The following SNX10 variants were observed in gnomAD, a reference collection of about 807,000 sequenced individuals.
SNX10 encodes sorting nexin 10, also known as sorting nexin-10.
Under a neutral mutation model 28.5 loss-of-function variants are expected in SNX10, and 25 were observed. The observed-to-expected ratio is 0.88, with a 90% confidence interval of 0.64 to 1.22. The LOEUF is 1.22. Among genes scored for constraint, SNX10 ranks in the 50% most tolerant of loss-of-function variants. The pLI is 0.00. For missense variants in SNX10, 223 were observed against 242.6 expected, an observed-to-expected ratio of 0.92 and a Z score of 0.54; for synonymous variants, 62 against 81.4, an observed-to-expected ratio of 0.76 and a Z score of 1.28.
chr7:26,341,042 T>C (rs1788158514), intron 1 of SNX10, among the ~76,000 whole-genome samples: 2 of 152,158 alleles, frequency 1.3e-5, no homozygotes, highest in African/African-American at 4.8e-5. Flanking sequence ...CTCACACCTG[T>C]TATTGAGCAC....
intron 5 of SNX10, 144 bp downstream of exon 5, chr7:26,365,289 A>G (rs1367902344): frequency 1.8e-5 from 10 of 560,614 alleles, no homozygotes; most frequent in East Asian, 2.8e-5. Flanking sequence ...CCCATTTCCT[A>G]TATTAGAGCA....
intron 1 of SNX10, among the ~76,000 whole-genome samples, chr7:26,311,403 G>A (rs1182906237): frequency 2.6e-5 from 4 of 152,120 alleles, no homozygotes; most frequent in South Asian, 2.1e-4. Flanking sequence ...CTCCCGCCTC[G>A]GCCTCCAAAA....
intron 1 of SNX10, among the ~76,000 whole-genome samples, chr7:26,321,338 G>T (rs1020569672): frequency 3.9e-5 from 6 of 152,170 alleles, no homozygotes; most frequent in African/African-American, 7.2e-5. Flanking sequence ...TACTCACAGA[G>T]AACTCTAATA....
At chr7:26,372,397 G>T in intron 6 of SNX10, 94 bp from the exon 7 acceptor site, 1 of 797,492 alleles carries the variant, frequency 1.3e-6, no homozygotes, top group Middle Eastern at 2.3e-4. Flanking sequence ...TGTGACTGGA[G>T]ATAATTAAAG....
Position 26,373,949 on chromosome 7 carries a change from AATG to A in SNX10, c.*1380_*1382del, listed in dbSNP as rs1358651325. 6.6e-6 allele frequency: 1 copy of A among 152,070 alleles called. No individual in the cohort carries two copies. The highest frequency in any genetic ancestry group is 6.5e-5 in the Admixed American group (1 of 15,290). The allele number at this position is 152,070 out of a possible 1,614,324, so 9.4% of individuals were successfully genotyped here. The stretch of plus-strand genomic sequence containing the variant: ...TTAAAAAAATTAAATTTAGAATAAG[AATG>A]ATTTCTTTAATTTGTCCTTTTTTTC... On this transcript the variant is annotated 3_prime_UTR_variant, in exon 7 of 7. Transcript: ENST00000338523. The surrounding 1 kb of genome is among the most constrained non-coding windows in gnomAD (Gnocchi z 4.2).
chr7:26,306,552 G>A (rs769943778), intron 1 of SNX10, among the ~76,000 whole-genome samples: 4 of 151,670 alleles, frequency 2.6e-5, no homozygotes, highest in Non-Finnish European at 4.4e-5. Context: ...CTACAGGCAC[G>A]CACCACCATG....
chr7:26,348,313 C>T (rs1788468185), intron 2 of SNX10, among the ~76,000 whole-genome samples: 1 of 152,188 alleles, frequency 6.6e-6, no homozygotes, highest in South Asian at 2.1e-4. Flanking sequence ...AATGAAACTG[C>T]AAGGTTAAGG....
intron 1 of SNX10, among the ~76,000 whole-genome samples, chr7:26,341,827 G>T (rs1206326159): frequency 6.6e-6 from 1 of 152,030 alleles, no homozygotes; most frequent in African/African-American, 2.4e-5. Context: ...GTAGCCTGGG[G>T]AGTTTGGAAA....
At chr7:26,314,976 T>G (rs1212512849) in intron 1 of SNX10, among the ~76,000 whole-genome samples, 1 of 128,340 alleles carries the variant, frequency 7.8e-6, no homozygotes, top group Non-Finnish European at 1.6e-5. Flanking sequence ...CCAGCCTGGG[T>G]GACCAAGTGA....
chr7:26,312,827 G>T (rs1786903703), intron 1 of SNX10, among the ~76,000 whole-genome samples: 1 of 151,906 alleles, frequency 6.6e-6, no homozygotes, highest in African/African-American at 2.4e-5. Context: ...AAAAATGCTT[G>T]CTCTTATGCA....
At chr7:26,327,934 G>C (rs191722343) in intron 1 of SNX10, among the ~76,000 whole-genome samples, 1 of 151,760 alleles carries the variant, frequency 6.6e-6, no homozygotes, top group Non-Finnish European at 1.5e-5. Flanking sequence ...GGGTTTCACC[G>C]TGTTAGCCAG....
chr7:26,346,317 C>T (rs1403711227), intron 1 of SNX10, 103 bp from the exon 2 acceptor site: 17 of 725,914 alleles, frequency 2.3e-5, no homozygotes, highest in East Asian at 5.2e-5. Context: ...GACTGTGGGG[C>T]GGGGGGGGCT....
rs1304568093 is a variant in SNX10, at chr7:26,372,649, A to T, written c.*77A>T. On this transcript the variant is annotated 3_prime_UTR_variant, in exon 7 of 7. Coordinates refer to ENST00000338523, the MANE Select transcript of SNX10 (RefSeq NM_013322.3). ...AGAGAAGAAAGCTTCATAATAATACATTCTTACCTAAAGCTCACTGTCATG... is the reference window on the plus strand; with the variant it reads ...AGAGAAGAAAGCTTCATAATAATACTTTCTTACCTAAAGCTCACTGTCATG... 5.8e-6 allele frequency: 5 copies of T among 859,832 alleles called. No homozygotes were observed. Among genetic ancestry groups the T allele is most frequent in the Non-Finnish European group, 1.0e-5 (5 of 502,432 alleles). The allele number at this position is 859,832 out of a possible 1,614,324, so 53.3% of individuals were successfully genotyped here.
intron 1 of SNX10, 66 bp from the exon 2 acceptor site, chr7:26,346,354 A>G (rs1274512808): frequency 1.0e-6 from 1 of 965,532 alleles, no homozygotes; most frequent in East Asian, 2.4e-5. Flanking sequence ...GTGGGAGGCC[A>G]TGAGTGGTGT....
chr7:26,367,062 C>T (rs974037747), intron 5 of SNX10, among the ~76,000 whole-genome samples: 6 of 152,112 alleles, frequency 3.9e-5, no homozygotes, highest in African/African-American at 1.4e-4. Context: ...AGCCTTGGAA[C>T]AGTCACTTCA....
intron 1 of SNX10, among the ~76,000 whole-genome samples, chr7:26,293,460 C>A (rs1786001877): frequency 6.6e-6 from 1 of 152,166 alleles, no homozygotes; most frequent in Non-Finnish European, 1.5e-5. Flanking sequence ...CCTGCCTCGG[C>A]CTCCCAAAGT....
chr7:26,318,826 A>G (rs1787195364), intron 1 of SNX10, among the ~76,000 whole-genome samples: 1 of 152,154 alleles, frequency 6.6e-6, no homozygotes, highest in African/African-American at 2.4e-5. Context: ...TAAGTGCTTT[A>G]AGTACATTAT....
intron 1 of SNX10, among the ~76,000 whole-genome samples, chr7:26,312,181 C>G (rs910618894): frequency 6.6e-6 from 1 of 152,062 alleles, no homozygotes; most frequent in African/African-American, 2.4e-5. Flanking sequence ...TCACAGATGA[C>G]TGGTCTCTAG....
intron 2 of SNX10, among the ~76,000 whole-genome samples, chr7:26,356,489 AAG>A (rs532364623): frequency 8.1e-4 from 124 of 152,262 alleles, no homozygotes; most frequent in African/African-American, 2.8e-3. Flanking sequence ...GCGTCTAATT[AAG>A]AGATTAGAGG....
Sources: allele counts gnomAD v4.1 joint callset (sites outside exome capture counted in the v4.1 genomes callset), GRCh38; gene constraint gnomAD v4.1.1; non-coding constraint Gnocchi (gnomAD v3.1); transcripts MANE v1.5; gene names NCBI Gene and HGNC (gene_info 2026-07-23, HGNC 2026-07-21).